The following ANKRD27 variants were observed in gnomAD, a reference collection of about 807,000 sequenced individuals.
The protein encoded by ANKRD27 is ankyrin repeat domain-containing protein 27.
In ANKRD27, 112 loss-of-function variants were observed where a neutral mutation model predicts 129.7. The observed-to-expected ratio is 0.86, with a 90% CI of 0.74 to 1.01. ANKRD27 has a LOEUF of 1.01. Ranked by LOEUF, ANKRD27 falls within the 50% of genes least tolerant of loss-of-function variation. ANKRD27 has a pLI of 0.00. For synonymous variants in ANKRD27, 516 were observed against 511.2 expected (o/e 1.01, Z -0.13); for missense variants, 1,258 against 1,300.5 (o/e 0.97, Z 0.50).
chr19:32,621,648 A>G (rs1295779493), intron 18 of ANKRD27, among the ~76,000 whole-genome samples: 1 of 152,174 alleles, frequency 6.6e-6, no homozygotes, highest in East Asian at 1.9e-4. Flanking sequence ...AAAAAATTAA[A>G]TATTTTTGTA....
At chr19:32,599,514 T>C (rs1971618978) in intron 28 of ANKRD27, among the ~76,000 whole-genome samples, 190 bp downstream of exon 28, 1 of 152,260 alleles carries the variant, frequency 6.6e-6, no homozygotes, top group Non-Finnish European at 1.5e-5. Context: ...AATGTACTTT[T>C]AGTTATAACA....
intron 3 of ANKRD27, among the ~76,000 whole-genome samples, chr19:32,649,061 A>G (rs865659): frequency 0.78 from 116,808 of 150,626 alleles, 45,832 homozygotes; most frequent in African/African-American, 0.9. Context: ...CAAACTCCTC[A>G]GCTTAAGCAA....
chr19:32,605,881 T>C lies in ANKRD27; in HGVS notation c.2447A>G (p.Tyr816Cys). The C allele has an allele frequency of 1.2e-6, 2 of 1,614,064 alleles. No homozygotes were observed. The highest frequency in any genetic ancestry group is 1.7e-6 in the Non-Finnish European group (2 of 1,179,986). ...CTCGTGATGGCCACCGGAGCAGGCG[T>C]AAATGAGGGGCGTGTTTCCACTGAG... is the stretch of plus-strand genomic sequence containing the variant. ...KDLSGNTPLI[Y>C]ACSGGHHELV... Residue 816 changes from tyrosine (Y) to cysteine (C), a missense_variant, in exon 24 of 29, where the codon TAC becomes TGC. By Grantham distance (194) the Tyr-to-Cys change is radical. Coordinates refer to ENST00000306065, the MANE Select transcript of ANKRD27 (RefSeq NM_032139.3).
At chr19:32,664,458 A>C (rs1967708130) in intron 1 of ANKRD27, among the ~76,000 whole-genome samples, 1 of 151,830 alleles carries the variant, frequency 6.6e-6, no homozygotes, top group Non-Finnish European at 1.5e-5. Context: ...CGTCTCTATA[A>C]AAATACAAAA....
At chr19:32,637,038 G>A (rs939311322) in intron 12 of ANKRD27, among the ~76,000 whole-genome samples, 24 of 152,162 alleles carry the variant, frequency 1.6e-4, no homozygotes, top group African/African-American at 2.9e-4. Flanking sequence ...GTGAGCCACC[G>A]TGCCCGGCCC....
At chr19:32,599,879 T>G (rs1971625162) in intron 27 of ANKRD27, 93 bp downstream of exon 27, 3 of 1,511,698 alleles carry the variant, frequency 2.0e-6, no homozygotes, top group Non-Finnish European at 2.7e-6. Context: ...GGTGCAGATT[T>G]GTCCATAACC....
chr19:32,646,773 C>G (rs974977098), intron 3 of ANKRD27, among the ~76,000 whole-genome samples, 158 bp from the exon 4 acceptor site: 1 of 152,164 alleles, frequency 6.6e-6, no homozygotes, highest in Non-Finnish European at 1.5e-5. Flanking sequence ...CATTTTGATA[C>G]TAAAATGTTT....
intron 1 of ANKRD27, among the ~76,000 whole-genome samples, chr19:32,664,790 TA>T (rs1212538308): frequency 1.3e-5 from 2 of 149,312 alleles, no homozygotes; most frequent in Non-Finnish European, 3.0e-5. Flanking sequence ...CTTTACAAAA[TA>T]CAAAAATTAG....
Position 32,640,393 on chromosome 19 carries a change from G to A in ANKRD27, c.905-8C>T. 2 of 1,612,566 alleles carry A rather than the reference G, an allele frequency of 1.2e-6. No individual in the cohort carries two copies. Among genetic ancestry groups the A allele is most frequent in the Non-Finnish European group, 1.7e-6 (2 of 1,178,634 alleles). On this transcript the variant is annotated splice_region_variant and splice_polypyrimidine_tract_variant and intron_variant, in intron 10 of 28. Transcript: ENST00000306065. The stretch of plus-strand genomic sequence containing the variant: ...ACATGGTCTCCAGGTTCACTGCAAA[G>A]GGGAAACACACATTCAATGCCATCA...
At chr19:32,613,701 T>C (rs1971866468) in intron 22 of ANKRD27, among the ~76,000 whole-genome samples, 1 of 149,536 alleles carries the variant, frequency 6.7e-6, no homozygotes, top group Admixed American at 6.7e-5. Flanking sequence ...ATTACATTTA[T>C]GTAACTTTTT....
In ANKRD27 at chr19:32,628,154, T is replaced by C; in HGVS notation, c.1349A>G (p.Asp450Gly). Residue 450 changes from aspartate (D) to glycine (G), a missense_variant, in exon 15 of 29, where the codon GAT (aspartate) becomes GGT (glycine). By Grantham distance (94) the Asp-to-Gly change is moderately conservative. Transcript: ENST00000306065. Reference sequence around the variant, plus strand: ...GGAGAATGGAGTGACAACTGAGGGATCATTCAACCTCCTAAAATACAGAAA... The same window carrying C: ...GGAGAATGGAGTGACAACTGAGGGACCATTCAACCTCCTAAAATACAGAAA... ...CEKLVSGRLN[D>G]PSVVTPFSRD... 6.2e-7 allele frequency: 1 copy of C among 1,613,950 alleles called. No homozygotes were observed. Among genetic ancestry groups the C allele is most frequent in the Non-Finnish European group, 8.5e-7 (1 of 1,179,872 alleles).
chr19:32,661,193 GCTGT>G (rs1967637002), intron 1 of ANKRD27, among the ~76,000 whole-genome samples: 1 of 139,670 alleles, frequency 7.2e-6, no homozygotes, highest in African/African-American at 2.7e-5. Flanking sequence ...GGTGCAAGAT[GCTGT>G]CTAAAAAAAA....
At chr19:32,665,585 A>G (rs1967737414) in intron 1 of ANKRD27, among the ~76,000 whole-genome samples, 1 of 151,762 alleles carries the variant, frequency 6.6e-6, no homozygotes, top group South Asian at 2.1e-4. Context: ...TCAGCCTCTC[A>G]AGTAGCTGGG....
chr19:32,656,117 G>A (rs1568417859), intron 2 of ANKRD27, among the ~76,000 whole-genome samples: 4 of 116,024 alleles, frequency 3.4e-5, no homozygotes, highest in East Asian at 2.8e-4. Context: ...GAAAAGAAAA[G>A]AAAAGAAAAG....
At chr19:32,605,195 A>AC (rs917085961) in intron 24 of ANKRD27, among the ~76,000 whole-genome samples, 5 of 151,908 alleles carry the variant, frequency 3.3e-5, no homozygotes, top group Non-Finnish European at 7.4e-5. Flanking sequence ...ACATAGTGAG[A>AC]CCCCCATCTC....
chr19:32,658,898 G>A lies in ANKRD27; in HGVS notation c.102+16C>T, dbSNP rs757404753. The A allele has an allele frequency of 3.1e-6, 5 of 1,607,124 alleles. No homozygotes were observed. In the South Asian group the frequency reaches 4.4e-5, roughly 14 times the overall value. ...CATTCATGCCTCAGGACAACCCCGA[G>A]GCTCAGTGCACTTACAATGCCATGG... On this transcript the variant is annotated intron_variant, in intron 2 of 28. Coordinates refer to ENST00000306065, the MANE Select transcript of ANKRD27 (RefSeq NM_032139.3).
intron 1 of ANKRD27, among the ~76,000 whole-genome samples, chr19:32,670,912 G>T (rs13313732): frequency 0.051 from 7,780 of 151,902 alleles, 280 homozygotes; most frequent in African/African-American, 0.092. Context: ...CTTGAACCTG[G>T]GAAGTGGAGG....
intron 12 of ANKRD27, among the ~76,000 whole-genome samples, chr19:32,635,459 C>T (rs1967071734): frequency 6.6e-6 from 1 of 152,168 alleles, no homozygotes; most frequent in Non-Finnish European, 1.5e-5. Context: ...CACACACACG[C>T]ATTCTTTTTT....
At chr19:32,632,357 G>GAA (rs1967009868) in intron 12 of ANKRD27, among the ~76,000 whole-genome samples, 1 of 151,750 alleles carries the variant, frequency 6.6e-6, no homozygotes. Flanking sequence ...GGGCCGAGGC[G>GAA]CGTGGATCAC....
Sources: allele counts gnomAD v4.1 joint callset (sites outside exome capture counted in the v4.1 genomes callset), GRCh38; gene constraint gnomAD v4.1.1; transcripts MANE v1.5; gene names NCBI Gene and HGNC (gene_info 2026-07-23, HGNC 2026-07-21).